The following STK32C variants were observed in gnomAD, a reference collection of about 807,000 sequenced individuals.
The protein encoded by STK32C is serine/threonine-protein kinase 32C.
In STK32C, 31 loss-of-function variants were observed where a neutral mutation model predicts 56.5. That is an observed-to-expected ratio of 0.55 (90% confidence interval 0.41 to 0.74). STK32C has a LOEUF of 0.74. Among genes scored for constraint, STK32C ranks in the 30% least tolerant of loss-of-function variants. The pLI, the probability that STK32C is intolerant of heterozygous loss-of-function variation, is 0.00. For synonymous variants in STK32C, 309 were observed against 289.4 expected (o/e 1.07, Z -0.69); for missense variants, 544 against 676.9 (o/e 0.80, Z 2.18).
At chr10:132,332,225 C>T (rs1176508020), upstream of STK32C, 1 of 153,750 alleles carries the variant, frequency 6.5e-6, no homozygotes, top group Non-Finnish European at 1.4e-5. Context: ...CGGCGGGGCT[C>T]GCCAGCGCTT....
At chr10:132,239,828 C>T (rs2063438302) in intron 2 of STK32C, among the ~76,000 whole-genome samples, 1 of 152,224 alleles carries the variant, frequency 6.6e-6, no homozygotes, top group African/African-American at 2.4e-5. Flanking sequence ...TTCCCCAGGT[C>T]CCAAGCCCAG....
intron 10 of STK32C, among the ~76,000 whole-genome samples, chr10:132,214,391 C>A (rs1201567191): frequency 6.6e-6 from 1 of 152,134 alleles, no homozygotes; most frequent in Non-Finnish European, 1.5e-5. Context: ...AAAAAACCTA[C>A]CAATCTAGAA....
exon 2 of STK32C, chr10:132,324,135 G>A: frequency 1.5e-6 from 1 of 681,932 alleles, no homozygotes; most frequent in South Asian, 1.6e-5. Context: ...ACAGCAGCTG[G>A]GAAAATGGAG....
chr10:132,260,234 C>T (rs1226120146), intron 1 of STK32C, among the ~76,000 whole-genome samples: 1 of 152,212 alleles, frequency 6.6e-6, no homozygotes, highest in Non-Finnish European at 1.5e-5. Flanking sequence ...TCAGCCTCCG[C>T]CTGGCCCCTG....
At position 132,263,822 on chromosome 10, in the gene STK32C, T is replaced by C. The variant is rs1421606517; in HGVS notation, c.263-17867A>G. On this transcript the variant is annotated intron_variant, in intron 1 of 11. Coordinates refer to ENST00000298630, the MANE Select transcript of STK32C (RefSeq NM_173575.4). ...CAGAGGCTGCCGTGAGCTGAGATTG[T>C]GCCACTGCACTCCAGCCTGGATGAC... 2.9e-5 allele frequency among the ~76,000 whole-genome samples: 4 copies of C among 139,764 alleles called. No homozygotes were observed. In the East Asian group the frequency reaches 6.0e-4, roughly 21 times the overall value. 91.7% of individuals were successfully genotyped at this position (139,764 alleles called of 152,430 possible).
At chr10:132,264,496 G>T (rs2064426919) in intron 1 of STK32C, among the ~76,000 whole-genome samples, 1 of 152,196 alleles carries the variant, frequency 6.6e-6, no homozygotes, top group South Asian at 2.1e-4. Context: ...CTGCACCCCA[G>T]CACTGCTGGC....
rs1240613824 is a variant in STK32C at position 132,307,003 on chromosome 10, A to G, written c.262+569T>C. ...GTCCCCGGGGTTGGCGGCTTTATCT[A>G]CAGGACTCAGCAGCGCACTCGTTCC... On this transcript the variant is annotated intron_variant, in intron 1 of 11. Coordinates refer to ENST00000298630, the MANE Select transcript of STK32C (RefSeq NM_173575.4). The surrounding 1 kb of genome is among the most constrained non-coding windows in gnomAD (Gnocchi z 4.4). The G allele has an allele frequency of 6.6e-6, 1 of 152,304 alleles. No homozygotes were observed. The highest frequency in any genetic ancestry group is 1.5e-5 in the Non-Finnish European group (1 of 68,112). 9.4% of individuals were successfully genotyped at this position (152,304 alleles called of 1,614,324 possible).
chr10:132,208,068 G>A lies in STK32C; in HGVS notation c.1403C>T (p.Ala468Val), dbSNP rs755235826. ...RDAAEPVEDE[A>V]ERSALPMCGP... Reference sequence around the variant, plus strand: ...GCACATGGGCAGGGCGGAGCGTTCCGCCTCGTCCTCCACAGGCTCCGCAGC... The same window carrying A: ...GCACATGGGCAGGGCGGAGCGTTCCACCTCGTCCTCCACAGGCTCCGCAGC... Residue 468 changes from alanine (A) to valine (V), a missense_variant, in exon 12 of 12, where the codon GCG becomes GTG. This residue lies in a region of STK32C where 277 missense variants were observed against 309.3 expected (regional missense o/e 0.90). Coordinates refer to ENST00000298630, the MANE Select transcript of STK32C (RefSeq NM_173575.4). The A allele has an allele frequency of 8.4e-6, 11 of 1,310,640 alleles. No homozygotes were observed. Among genetic ancestry groups the A allele is most frequent in the South Asian group, 3.2e-5 (1 of 31,476 alleles). The allele number at this position is 1,310,640 out of a possible 1,614,324, so 81.2% of individuals were successfully genotyped here. A position where few individuals can be genotyped will look rare whatever the true frequency, so the allele number is the denominator to read the frequency against.
At chr10:132,286,028 A>G (rs2065392637) in intron 1 of STK32C, among the ~76,000 whole-genome samples, 1 of 152,020 alleles carries the variant, frequency 6.6e-6, no homozygotes, top group South Asian at 2.1e-4. Flanking sequence ...CGGGAGGCTG[A>G]GGCAGGAGAA....
intron 1 of STK32C, among the ~76,000 whole-genome samples, chr10:132,292,250 A>C (rs951635390): frequency 2.6e-5 from 4 of 152,178 alleles, no homozygotes; most frequent in African/African-American, 9.7e-5. Context: ...CCAGGAGCCC[A>C]AGCCCAGCCC....
At chr10:132,312,484 A>C (rs1288344536), upstream of STK32C, among the ~76,000 whole-genome samples, 3 of 152,188 alleles carry the variant, frequency 2.0e-5, no homozygotes, top group Admixed American at 6.5e-5. Flanking sequence ...GTGAAACTGG[A>C]AAATATGCTT....
chr10:132,220,044 C>A (rs896570380), intron 10 of STK32C, among the ~76,000 whole-genome samples: 1 of 152,156 alleles, frequency 6.6e-6, no homozygotes, highest in African/African-American at 2.4e-5. Flanking sequence ...GTGGTATGGG[C>A]CAAACTGTGT....
At chr10:132,213,931 T>C (rs186270026) in intron 10 of STK32C, among the ~76,000 whole-genome samples, 26 of 151,960 alleles carry the variant, frequency 1.7e-4, no homozygotes, top group Admixed American at 1.6e-3. Flanking sequence ...ATCTATGAGC[T>C]TGAAGAAATG....
Position 132,208,037 on chromosome 10 carries a change from G to A in STK32C, c.1434C>T (p.Pro478=). The A allele has an allele frequency of 1.5e-6, 2 of 1,310,764 alleles. No individual in the cohort carries two copies. Among genetic ancestry groups the A allele is most frequent in the South Asian group, 6.3e-5 (2 of 31,554 alleles). 81.2% of individuals were successfully genotyped at this position (1,310,764 alleles called of 1,614,324 possible). The change falls in exon 12 of 12, where the codon CCC becomes CCT. Residue 478 remains proline (P), a synonymous_variant. Transcript: ENST00000298630. The part of the protein sequence containing the change: ...AERSALPMCG[P]ICPSAGSG ...AGCCGCTCCCGGCCGAGGGGCAAAT[G>A]GGGCCGCACATGGGCAGGGCGGAGC...
intron 1 of STK32C, among the ~76,000 whole-genome samples, chr10:132,299,897 G>A (rs962475761): frequency 6.6e-6 from 1 of 152,218 alleles, no homozygotes; most frequent in African/African-American, 2.4e-5. Context: ...GAGGTCAGAC[G>A]TCACAAAGTG....
At chr10:132,305,035 G>A (rs1462266324) in intron 1 of STK32C, among the ~76,000 whole-genome samples, 1 of 152,238 alleles carries the variant, frequency 6.6e-6, no homozygotes, top group Non-Finnish European at 1.5e-5. Context: ...AGGACACCAA[G>A]ACAGAGAGGA....
intron 1 of STK32C, among the ~76,000 whole-genome samples, chr10:132,281,591 C>T (rs560678397): frequency 6.6e-6 from 1 of 152,250 alleles, no homozygotes; most frequent in East Asian, 1.9e-4. Context: ...TTCATGAAGC[C>T]CAGCTCAAGA....
At chr10:132,270,833 C>G (rs114128242) in intron 1 of STK32C, among the ~76,000 whole-genome samples, 1 of 152,124 alleles carries the variant, frequency 6.6e-6, no homozygotes, top group African/African-American at 2.4e-5. Flanking sequence ...AGGGCTTCTT[C>G]CCATCCTGGA....
intron 1 of STK32C, among the ~76,000 whole-genome samples, chr10:132,300,464 C>T (rs1054395170): frequency 2.6e-5 from 4 of 152,204 alleles, no homozygotes; most frequent in Non-Finnish European, 4.4e-5. Flanking sequence ...CAAGCACCTC[C>T]GTCTGCACTC....
Sources: gnomAD v4.1 joint callset for allele counts (sites outside exome capture counted in the v4.1 genomes callset) on GRCh38, gnomAD v4.1.1 for gene constraint, gnomAD v4.1.1 regional missense constraint, Gnocchi (gnomAD v3.1) non-coding constraint, MANE v1.5 for transcripts, NCBI Gene and HGNC (gene_info 2026-07-23, HGNC 2026-07-21) for gene names.